SAE1: variants seen among roughly 807,000 people sequenced by gnomAD.
SAE1 encodes the protein SUMO1 activating enzyme subunit 1, also known as SUMO-activating enzyme subunit 1.
Under a neutral mutation model 40.6 loss-of-function variants are expected in SAE1, and 11 were observed. That is an observed-to-expected ratio of 0.27 (90% CI 0.17 to 0.45). SAE1 has a LOEUF of 0.45. Ranked by LOEUF, SAE1 falls within the 20% of genes least tolerant of loss-of-function variation. SAE1 has a pLI of 1.00. For synonymous variants in SAE1, 155 were observed against 154.3 expected (o/e 1.00, Z -0.03); for missense variants, 373 against 427.3 (o/e 0.87, Z 1.12).
intron 6 of SAE1, among the ~76,000 whole-genome samples, chr19:47,177,981 G>A (rs1470413205): frequency 6.6e-6 from 1 of 151,936 alleles, no homozygotes; most frequent in Non-Finnish European, 1.5e-5. Context: ...GGTGGCTCAC[G>A]CCTGTAATCC....
intron 4 of SAE1, 55 bp from the exon 5 acceptor site, chr19:47,155,059 C>A: frequency 2.7e-6 from 3 of 1,131,908 alleles, no homozygotes; most frequent in Non-Finnish European, 4.0e-6. Flanking sequence ...TTTTTTGATT[C>A]CAATAACATG....
chr19:47,162,591 C>T (rs1022726692), intron 5 of SAE1, among the ~76,000 whole-genome samples: 7 of 151,418 alleles, frequency 4.6e-5, no homozygotes, highest in African/African-American at 4.9e-5. Flanking sequence ...GGTCCCTCTA[C>T]CCTCCCCACC....
chr19:47,204,506 C>CCA (rs1555797195), intron 8 of SAE1, among the ~76,000 whole-genome samples: 2 of 139,610 alleles, frequency 1.4e-5, no homozygotes, highest in African/African-American at 5.5e-5. Context: ...CCGCACCCCC[C>CCA]CCCTTTTTTT....
chr19:47,159,505 T>A (rs1169305611), intron 5 of SAE1, among the ~76,000 whole-genome samples: 1 of 152,010 alleles, frequency 6.6e-6, no homozygotes, highest in Non-Finnish European at 1.5e-5. Flanking sequence ...TACTGGTGGC[T>A]GTTAACTGCA....
intron 6 of SAE1, among the ~76,000 whole-genome samples, chr19:47,180,649 C>G (rs1029110924): frequency 6.6e-6 from 1 of 151,944 alleles, no homozygotes; most frequent in African/African-American, 2.4e-5. Context: ...AAAACGAGAC[C>G]CCATCTCTAC....
At chr19:47,161,337 T>C (rs1169380747) in intron 5 of SAE1, among the ~76,000 whole-genome samples, 3 of 152,106 alleles carry the variant, frequency 2.0e-5, no homozygotes, top group African/African-American at 7.2e-5. Context: ...TGACATTTAA[T>C]GCACAAAAGA....
chr19:47,209,565 C>G lies in SAE1; in HGVS notation c.*314C>G, dbSNP rs1260844738. ...CCCTTTCTCTGTCCTTATGCTGTCCCGGCCTCGCCAGCCCTCTGGGGCATT... is the reference window on the plus strand; with the variant it reads ...CCCTTTCTCTGTCCTTATGCTGTCCGGGCCTCGCCAGCCCTCTGGGGCATT... On this transcript the variant is annotated 3_prime_UTR_variant, in exon 9 of 9. Coordinates refer to ENST00000270225, the MANE Select transcript of SAE1 (RefSeq NM_005500.3). 2.4e-6 allele frequency: 1 copy of G among 423,638 alleles called. No homozygotes were observed. Among genetic ancestry groups the G allele is most frequent in the Non-Finnish European group, 4.2e-6 (1 of 238,186 alleles). The allele number at this position is 423,638 out of a possible 1,614,324, so 26.2% of individuals were successfully genotyped here. A position where few individuals can be genotyped will look rare whatever the true frequency, so the allele number is the denominator to read the frequency against.
chr19:47,209,125 T>C (rs923863466), intron 8 of SAE1, 34 bp from the exon 9 acceptor site: 36 of 1,606,584 alleles, frequency 2.2e-5, no homozygotes, highest in Non-Finnish European at 3.1e-5. Flanking sequence ...CTTAAAGCAC[T>C]TGAGCTAAAC....
At chr19:47,200,132 G>A (rs1169831343) in intron 7 of SAE1, among the ~76,000 whole-genome samples, 1 of 151,104 alleles carries the variant, frequency 6.6e-6, no homozygotes, top group Non-Finnish European at 1.5e-5. Context: ...ATGTGGTTTC[G>A]CTGTGTTAGC....
chr19:47,140,809 G>A (rs917288365), intron 1 of SAE1, among the ~76,000 whole-genome samples: 5 of 151,950 alleles, frequency 3.3e-5, no homozygotes, highest in Admixed American at 6.6e-5. Flanking sequence ...AAAACAAAAC[G>A]TAAACATGGT....
chr19:47,182,496 T>TGTGCGTGCGCGCGC (rs143321323), intron 6 of SAE1, among the ~76,000 whole-genome samples: 1 of 146,044 alleles, frequency 6.8e-6, no homozygotes, highest in East Asian at 2.0e-4. Flanking sequence ...TGTGTGTGTG[T>TGTGCGTGCGCGCGC]GCGCGCACGC....
intron 6 of SAE1, among the ~76,000 whole-genome samples, chr19:47,194,124 C>T (rs2058598325): frequency 6.6e-6 from 1 of 152,176 alleles, no homozygotes; most frequent in South Asian, 2.1e-4. Flanking sequence ...CTCAGTTGTT[C>T]TCCCACCCAT....
chr19:47,178,264 C>G (rs2058483365), intron 6 of SAE1, among the ~76,000 whole-genome samples: 1 of 151,878 alleles, frequency 6.6e-6, no homozygotes, highest in African/African-American at 2.4e-5. Context: ...AGAAATCTAT[C>G]TATCTATCAG....
rs1285609370 is a variant in SAE1, at chr19:47,209,192, T to A, written c.982T>A (p.Phe328Ile). ...TCAGCGGGACCCTCCTCACAACAAC[T>A]TCTTCTTCTTCGATGGCATGAAGGG... Reference protein sequence around the residue: ...LSQRDPPHNNFFFFDGMKGNG... With the variant: ...LSQRDPPHNNIFFFDGMKGNG... Residue 328 changes from phenylalanine (F) to isoleucine (I), a missense_variant, in exon 9 of 9, where the codon TTC becomes ATC. Transcript: ENST00000270225. 3 of 1,613,532 alleles carry A rather than the reference T, an allele frequency of 1.9e-6. No homozygotes were observed. Among genetic ancestry groups the A allele is most frequent in the Non-Finnish European group, 2.5e-6 (3 of 1,179,726 alleles).
chr19:47,168,884 G>T (rs1443989766), intron 5 of SAE1, among the ~76,000 whole-genome samples: 2 of 152,182 alleles, frequency 1.3e-5, no homozygotes, highest in East Asian at 3.9e-4. Flanking sequence ...GATCACAGGC[G>T]TGAGCCACTG....
intron 6 of SAE1, among the ~76,000 whole-genome samples, chr19:47,189,340 G>A (rs1169584478): frequency 2.0e-5 from 3 of 152,044 alleles, no homozygotes; most frequent in Non-Finnish European, 2.9e-5. Flanking sequence ...GGCGGATCAC[G>A]AGGTCAGGAA....
At chr19:47,155,280 GA>G (rs1193163221) in intron 5 of SAE1, 67 bp downstream of exon 5, 7 of 1,117,226 alleles carry the variant, frequency 6.3e-6, no homozygotes, top group Non-Finnish European at 9.5e-6. Context: ...AATGACGATT[GA>G]AAAGGATAAG....
chr19:47,203,617 A>G lies in SAE1; in HGVS notation c.879-54A>G, dbSNP rs76987767. The G allele has an allele frequency of 3.6e-4, 552 of 1,526,824 alleles. 7 individuals carry two copies. In the East Asian group the frequency reaches 0.012, roughly 32 times the overall value. The allele number at this position is 1,526,824 out of a possible 1,614,324, so 94.6% of individuals were successfully genotyped here. On this transcript the variant is annotated intron_variant, in intron 7 of 8. Coordinates refer to ENST00000270225, the MANE Select transcript of SAE1 (RefSeq NM_005500.3). ...CTACTACTGAATTTCTCCAGATGTC[A>G]TGGTCACAGTTCTGTTCCCAGTGCT...
chr19:47,174,485 C>T (rs1288644846), intron 6 of SAE1, among the ~76,000 whole-genome samples: 2 of 151,518 alleles, frequency 1.3e-5, no homozygotes, highest in Non-Finnish European at 2.9e-5. Flanking sequence ...CAACCTCCAC[C>T]TCCCAGGTTT....
Sources: gnomAD v4.1 joint callset for allele counts (sites outside exome capture counted in the v4.1 genomes callset) on GRCh38, gnomAD v4.1.1 for gene constraint, MANE v1.5 for transcripts, NCBI Gene and HGNC (gene_info 2026-07-23, HGNC 2026-07-21) for gene names.